Variants in MCTP2 observed in about 807,000 individuals in gnomAD.
MCTP2 encodes the protein multiple C2 and transmembrane domain containing 2.
Under a neutral mutation model 111.6 loss-of-function variants are expected in MCTP2, and 132 were observed. The ratio of observed to expected loss-of-function variants is 1.18; its 90% confidence interval spans 1.03 to 1.37. The LOEUF is 1.37. Among genes scored for constraint, MCTP2 ranks in the 40% most tolerant of loss-of-function variants. The probability of loss-of-function intolerance (pLI) is 0.00; values close to 1 mark genes in which losing one functional copy is unlikely to be tolerated. For missense variants in MCTP2, 1,183 were observed against 1,067.9 expected, an observed-to-expected ratio of 1.11 and a Z score of -1.50; for synonymous variants, 395 against 387.7, an observed-to-expected ratio of 1.02 and a Z score of -0.22.
intron 1 of MCTP2, among the ~76,000 whole-genome samples, chr15:94,295,269 G>T (rs1261665047): frequency 6.6e-6 from 1 of 151,854 alleles, no homozygotes; most frequent in Non-Finnish European, 1.5e-5. Context: ...TATTTTTAAA[G>T]ACACAATCTT....
At chr15:94,421,513 G>A (rs917250212) in intron 17 of MCTP2, among the ~76,000 whole-genome samples, 1 of 152,150 alleles carries the variant, frequency 6.6e-6, no homozygotes, top group Non-Finnish European at 1.5e-5. Context: ...TTTCCATCTG[G>A]AGGATCTAGG....
At chr15:94,259,156 G>T (rs2073030135) in intron 1 of MCTP2, among the ~76,000 whole-genome samples, 1 of 152,162 alleles carries the variant, frequency 6.6e-6, no homozygotes, top group African/African-American at 2.4e-5. Context: ...GCCTAGTCCA[G>T]GTCATGGGAT....
chr15:94,249,482 CAG>C (rs2072250488), intron 1 of MCTP2, among the ~76,000 whole-genome samples: 1 of 151,628 alleles, frequency 6.6e-6, no homozygotes, highest in Non-Finnish European at 1.5e-5. Flanking sequence ...CACTGAGTCT[CAG>C]AATCTTTTTT....
intron 15 of MCTP2, among the ~76,000 whole-genome samples, chr15:94,399,292 T>A (rs929302169): frequency 6.6e-6 from 1 of 152,200 alleles, no homozygotes; most frequent in African/African-American, 2.4e-5. Context: ...CTGAGTTTAA[T>A]GGAAAAGTGG....
At chr15:94,257,625 CACCCAGGCTGGAG>C (rs1257638489) in intron 1 of MCTP2, among the ~76,000 whole-genome samples, 1 of 95,602 alleles carries the variant, frequency 1.0e-5, no homozygotes, top group African/African-American at 4.0e-5. Flanking sequence ...CTTGCTCTGT[CACCCAGGCTGGAG>C]TGCAGCGGCA....
At chr15:94,332,872 A>C (rs1176884953) in intron 4 of MCTP2, among the ~76,000 whole-genome samples, 1 of 152,200 alleles carries the variant, frequency 6.6e-6, no homozygotes, top group Non-Finnish European at 1.5e-5. Flanking sequence ...TTACATGGTA[A>C]GTTTATATAT....
In MCTP2 at chr15:94,481,839, T is replaced by C. The variant is rs2074742341; in HGVS notation, c.*2805T>C. The C allele has an allele frequency of 1.3e-5, 2 of 152,268 alleles. No homozygotes were observed. The highest frequency in any genetic ancestry group is 4.1e-4 in the South Asian group (2 of 4,834). 9.4% of individuals were successfully genotyped at this position (152,268 alleles called of 1,614,324 possible). On this transcript the variant is annotated 3_prime_UTR_variant, in exon 23 of 23. Coordinates refer to ENST00000357742, the MANE Select transcript of MCTP2 (RefSeq NM_001385001.1). Reference sequence around the variant, plus strand: ...GGCCAGGTCGTAGAGATTATTTTTCTTTCTCTGCCTTTTCATGTGCTGCTT... The same window carrying C: ...GGCCAGGTCGTAGAGATTATTTTTCCTTCTCTGCCTTTTCATGTGCTGCTT...
intron 1 of MCTP2, 35 bp from the exon 2 acceptor site, chr15:94,298,166 T>G: frequency 6.7e-6 from 6 of 890,550 alleles, no homozygotes; most frequent in Non-Finnish European, 8.2e-6. Context: ...TTTTTTTTGT[T>G]TGTTTGTTTT....
chr15:94,398,116 C>A (rs150085270), intron 14 of MCTP2, among the ~76,000 whole-genome samples: 46 of 152,288 alleles, frequency 3.0e-4, no homozygotes, highest in African/African-American at 1.1e-3. Flanking sequence ...CTGTATGGAA[C>A]TGATGCAACA....
At chr15:94,456,697 T>C (rs1404340589) in intron 19 of MCTP2, among the ~76,000 whole-genome samples, 1 of 152,226 alleles carries the variant, frequency 6.6e-6, no homozygotes, top group Non-Finnish European at 1.5e-5. Flanking sequence ...AAGGAAGCAA[T>C]GAACCTGGTT....
intron 8 of MCTP2, among the ~76,000 whole-genome samples, chr15:94,350,830 G>A (rs564514166): frequency 6.6e-6 from 1 of 152,006 alleles, no homozygotes; most frequent in Non-Finnish European, 1.5e-5. Flanking sequence ...AGGGCAAAAA[G>A]AAAATCTTGT....
intron 14 of MCTP2, among the ~76,000 whole-genome samples, chr15:94,396,971 A>C (rs1198995339): frequency 6.6e-6 from 1 of 152,196 alleles, no homozygotes; most frequent in Non-Finnish European, 1.5e-5. Flanking sequence ...TGTCAAGACT[A>C]TTTTTATGAA....
chr15:94,272,388 C>T (rs1328855451), intron 1 of MCTP2, among the ~76,000 whole-genome samples: 3 of 152,132 alleles, frequency 2.0e-5, no homozygotes, highest in South Asian at 2.1e-4. Flanking sequence ...CAGAGAAGCA[C>T]GTGCGTTTAG....
chr15:94,293,985 A>G (rs2075143586), intron 1 of MCTP2, among the ~76,000 whole-genome samples: 1 of 152,200 alleles, frequency 6.6e-6, no homozygotes, highest in African/African-American at 2.4e-5. Context: ...TCAAGGGGTA[A>G]ATAGATTAAT....
chr15:94,482,981 A>T lies in MCTP2; in HGVS notation c.*3947A>T, dbSNP rs780492019. On this transcript the variant is annotated 3_prime_UTR_variant, in exon 23 of 23. Coordinates refer to ENST00000357742, the MANE Select transcript of MCTP2 (RefSeq NM_001385001.1). ...CATTTCAGTGGAATGGTAGAAATGG[A>T]AACCACGCTGGGTTGAGAAGTGAGT... 6.6e-6 allele frequency: 1 copy of T among 152,254 alleles called. No individual in the cohort carries two copies. The highest frequency in any genetic ancestry group is 2.4e-5 in the African/African-American group (1 of 41,466). 9.4% of individuals were successfully genotyped at this position (152,254 alleles called of 1,614,324 possible).
chr15:94,320,414 T>C (rs2076581560), intron 4 of MCTP2, among the ~76,000 whole-genome samples: 1 of 152,144 alleles, frequency 6.6e-6, no homozygotes, highest in East Asian at 1.9e-4. Flanking sequence ...GTGCTGGGAT[T>C]ACAGCTGTGA....
At chr15:94,420,891 G>A (rs1195998653) in intron 17 of MCTP2, among the ~76,000 whole-genome samples, 1 of 152,140 alleles carries the variant, frequency 6.6e-6, no homozygotes, top group Non-Finnish European at 1.5e-5. Context: ...CTGTCAAAGA[G>A]CATCACATGC....
intron 2 of MCTP2, among the ~76,000 whole-genome samples, chr15:94,306,941 A>G (rs1055249611): frequency 6.6e-6 from 1 of 152,200 alleles, no homozygotes; most frequent in African/African-American, 2.4e-5. Context: ...CAAGTGCGTC[A>G]GTTTCTCTAC....
intron 1 of MCTP2, among the ~76,000 whole-genome samples, chr15:94,265,901 A>G (rs1469217078): frequency 1.3e-5 from 2 of 152,346 alleles, no homozygotes; most frequent in East Asian, 3.9e-4. Context: ...TAATCATTTC[A>G]TTTCAGAAAG....
Sources: allele counts gnomAD v4.1 joint callset (sites outside exome capture counted in the v4.1 genomes callset), GRCh38; gene constraint gnomAD v4.1.1; transcripts MANE v1.5; gene names NCBI Gene and HGNC (gene_info 2026-07-23, HGNC 2026-07-21).